The following LRRC49 variants were observed in gnomAD, a reference collection of about 807,000 sequenced individuals.
The protein encoded by LRRC49 is leucine rich repeat containing 49, also known as leucine-rich repeat-containing protein 49.
In LRRC49, 50 loss-of-function variants were observed where a neutral mutation model predicts 83.3. The ratio of observed to expected loss-of-function variants is 0.60; its 90% CI spans 0.48 to 0.76. The LOEUF (loss-of-function observed/expected upper bound fraction) is 0.76, where lower values mean the gene tolerates loss of function less well. Ranked by LOEUF, LRRC49 falls within the 30% of genes least tolerant of loss-of-function variation. LRRC49 has a pLI of 0.00. For synonymous variants in LRRC49, 286 were observed against 283.3 expected (o/e 1.01, Z -0.10); for missense variants, 704 against 809.1 (o/e 0.87, Z 1.58).
intron 7 of LRRC49, among the ~76,000 whole-genome samples, chr15:70,934,635 C>T (rs1264775731): frequency 6.6e-6 from 1 of 152,000 alleles, no homozygotes; most frequent in Non-Finnish European, 1.5e-5. Context: ...CAAATTATAT[C>T]CTGATGGAAT....
chr15:70,933,372 G>C (rs1292588893), intron 7 of LRRC49, among the ~76,000 whole-genome samples: 1 of 151,786 alleles, frequency 6.6e-6, no homozygotes, highest in Non-Finnish European at 1.5e-5. Flanking sequence ...TCTCATCTTA[G>C]GTATGTTAAC....
intron 2 of LRRC49, chr15:70,882,989 C>G: frequency 1.4e-6 from 2 of 1,456,426 alleles, no homozygotes; most frequent in Middle Eastern, 1.8e-4. Flanking sequence ...AGTAGTAAGA[C>G]AGTATAGCTG....
intron 8 of LRRC49, among the ~76,000 whole-genome samples, chr15:70,960,762 C>G (rs1034162642): frequency 2.0e-5 from 3 of 152,138 alleles, no homozygotes; most frequent in African/African-American, 7.2e-5. Context: ...ATGGGCCTTA[C>G]ACCTTTTACT....
At chr15:70,891,214 T>G (rs1426044213), upstream of LRRC49, among the ~76,000 whole-genome samples, 7 of 152,058 alleles carry the variant, frequency 4.6e-5, no homozygotes, top group Non-Finnish European at 1.0e-4. Context: ...GCAAAATGAG[T>G]GCAAACAATG....
chr15:70,971,797 C>CTTTTTTTTTT (rs56230666), intron 9 of LRRC49, among the ~76,000 whole-genome samples: 1 of 82,268 alleles, frequency 1.2e-5, no homozygotes, highest in African/African-American at 4.9e-5. Context: ...GTAACCACTC[C>CTTTTTTTTTT]TTTTTTTTTT....
chr15:70,866,422 G>T (rs1233235350), intron 1 of LRRC49, among the ~76,000 whole-genome samples: 1 of 152,134 alleles, frequency 6.6e-6, no homozygotes. Flanking sequence ...CGGGATTACA[G>T]GCGTGAGCGA....
chr15:70,980,374 AAT>A (rs1466180208), intron 10 of LRRC49, among the ~76,000 whole-genome samples, 190 bp downstream of exon 10: 2 of 152,200 alleles, frequency 1.3e-5, no homozygotes, highest in Non-Finnish European at 2.9e-5. Context: ...TAAGAAATAA[AAT>A]ATGATATACA....
At chr15:71,024,591 C>G (rs911368377) in intron 14 of LRRC49, among the ~76,000 whole-genome samples, 5 of 151,978 alleles carry the variant, frequency 3.3e-5, no homozygotes, top group African/African-American at 1.2e-4. Context: ...CCCATAAGAA[C>G]CCCATCCAAA....
At chr15:70,944,852 G>A (rs1249207118) in intron 8 of LRRC49, among the ~76,000 whole-genome samples, 1 of 152,118 alleles carries the variant, frequency 6.6e-6, no homozygotes. Flanking sequence ...CACACCTAAG[G>A]CATGGCTGTT....
At chr15:70,898,563 C>G (rs2033933795) in intron 3 of LRRC49, 1 of 555,460 alleles carries the variant, frequency 1.8e-6, no homozygotes, top group Admixed American at 3.1e-5. Context: ...TTGCTTGAGC[C>G]CAGGAGTTCA....
At chr15:70,871,051 T>TAA (rs2033021635) in intron 1 of LRRC49, among the ~76,000 whole-genome samples, 1 of 151,588 alleles carries the variant, frequency 6.6e-6, no homozygotes, top group African/African-American at 2.4e-5. Flanking sequence ...GGTCAGCAGA[T>TAA]AAACATGTGA....
At chr15:70,916,087 T>C (rs2034760292) in intron 6 of LRRC49, among the ~76,000 whole-genome samples, 1 of 152,166 alleles carries the variant, frequency 6.6e-6, no homozygotes, top group South Asian at 2.1e-4. Flanking sequence ...TTCATTTTAA[T>C]GTTCATCAGG....
intron 14 of LRRC49, among the ~76,000 whole-genome samples, chr15:71,034,860 A>G (rs1223925661): frequency 1.3e-5 from 2 of 152,196 alleles, no homozygotes; most frequent in African/African-American, 2.4e-5. Flanking sequence ...ATATGGTCAC[A>G]GGGAGGGGAA....
intron 10 of LRRC49, among the ~76,000 whole-genome samples, chr15:70,983,535 T>A (rs2037481124): frequency 6.6e-6 from 1 of 152,172 alleles, no homozygotes; most frequent in Non-Finnish European, 1.5e-5. Flanking sequence ...CATTTCAACC[T>A]AGTACAATTT....
At chr15:70,939,453 T>G (rs2035722623) in intron 8 of LRRC49, among the ~76,000 whole-genome samples, 1 of 152,218 alleles carries the variant, frequency 6.6e-6, no homozygotes, top group South Asian at 2.1e-4. Context: ...CTGTGAGGTT[T>G]AAAGCCATAA....
intron 8 of LRRC49, among the ~76,000 whole-genome samples, chr15:70,956,590 TG>T (rs147674198): frequency 0.048 from 7,290 of 151,668 alleles, 579 homozygotes; most frequent in African/African-American, 0.17. Context: ...TATTTCCAGG[TG>T]TTTTTTTTTA....
intron 8 of LRRC49, among the ~76,000 whole-genome samples, chr15:70,958,085 CA>C (rs1431047166): frequency 6.6e-6 from 1 of 152,012 alleles, no homozygotes; most frequent in African/African-American, 2.4e-5. Flanking sequence ...TTATCACATC[CA>C]AATGATTACT....
chr15:70,929,215 A>G (rs1179243763), intron 7 of LRRC49, among the ~76,000 whole-genome samples: 3 of 152,192 alleles, frequency 2.0e-5, no homozygotes, highest in Non-Finnish European at 4.4e-5. Context: ...TAATGCAGGT[A>G]TACCTTAGAG....
chr15:70,956,557 G>A (rs1247894665), intron 8 of LRRC49, among the ~76,000 whole-genome samples: 2 of 150,030 alleles, frequency 1.3e-5, no homozygotes, highest in Non-Finnish European at 3.0e-5. Flanking sequence ...TTAAAAGCCA[G>A]TATTTCACTA....
Sources: gnomAD v4.1 joint callset for allele counts (sites outside exome capture counted in the v4.1 genomes callset) on GRCh38, gnomAD v4.1.1 for gene constraint, MANE v1.5 for transcripts, NCBI Gene and HGNC (gene_info 2026-07-23, HGNC 2026-07-21) for gene names.